The following CSTPP1 variants were observed in gnomAD, a reference collection of about 807,000 sequenced individuals.
CSTPP1 encodes centriolar satellite-associated tubulin polyglutamylase complex regulator 1.
chr11:46,991,197 T>G, the CSTPP1 span, among the ~76,000 whole-genome samples: 1 of 11,362 alleles, frequency 8.8e-5, no homozygotes, highest in East Asian at 4.6e-4. Context: ...TTGAACATAG[T>G]TTTTTTTTTT....
the CSTPP1 span, among the ~76,000 whole-genome samples, chr11:46,977,090 A>T: frequency 6.6e-6 from 1 of 152,228 alleles, no homozygotes; most frequent in Non-Finnish European, 1.5e-5. Context: ...CAGATTTGCA[A>T]GCGGAGTGTG....
chr11:47,083,515 C>A, the CSTPP1 span, among the ~76,000 whole-genome samples: 1 of 152,144 alleles, frequency 6.6e-6, no homozygotes, highest in African/African-American at 2.4e-5. Context: ...GAAAGAACAG[C>A]CAAACTGTTT....
the CSTPP1 span, chr11:47,157,332 C>T: frequency 8.3e-6 from 10 of 1,205,348 alleles, no homozygotes; most frequent in Non-Finnish European, 1.0e-5. Context: ...AGGGCCCTTG[C>T]TGGTCATAAT....
At chr11:47,044,435 C>T in the CSTPP1 span, among the ~76,000 whole-genome samples, 4 of 152,036 alleles carry the variant, frequency 2.6e-5, no homozygotes, top group Admixed American at 2.0e-4. Flanking sequence ...GGAGCGCAGT[C>T]ACGTGAATCT....
the CSTPP1 span, among the ~76,000 whole-genome samples, chr11:47,127,582 G>A: frequency 6.6e-6 from 1 of 152,108 alleles, no homozygotes; most frequent in Non-Finnish European, 1.5e-5. Flanking sequence ...TCCCACCTGT[G>A]TCTGTGTGCC....
chr11:47,094,316 G>A, the CSTPP1 span, among the ~76,000 whole-genome samples: 1 of 152,196 alleles, frequency 6.6e-6, no homozygotes, highest in Non-Finnish European at 1.5e-5. Context: ...GATTGGGGAA[G>A]GGAGAAACTG....
At chr11:47,077,333 G>C in the CSTPP1 span, among the ~76,000 whole-genome samples, 3,778 of 151,942 alleles carry the variant, frequency 0.025, 68 homozygotes, top group Non-Finnish European at 0.037. Flanking sequence ...CCAAGCAGCT[G>C]AGATTAGAGG....
chr11:47,161,145 G>A, the CSTPP1 span: 4 of 1,614,206 alleles, frequency 2.5e-6, no homozygotes, highest in Non-Finnish European at 3.4e-6. Context: ...CCTGACAAGG[G>A]GGATCTGATG....
chr11:46,986,020 A>G, the CSTPP1 span, among the ~76,000 whole-genome samples: 2 of 152,200 alleles, frequency 1.3e-5, no homozygotes, highest in African/African-American at 4.8e-5. Flanking sequence ...ATGTAAGGTC[A>G]CTAAATCTGG....
the CSTPP1 span, among the ~76,000 whole-genome samples, chr11:47,163,404 G>T: frequency 6.6e-6 from 1 of 152,080 alleles, no homozygotes; most frequent in East Asian, 1.9e-4. Context: ...CCTACACTCT[G>T]CAAATCCCTG....
the CSTPP1 span, among the ~76,000 whole-genome samples, chr11:47,135,892 A>C: frequency 6.6e-6 from 1 of 152,198 alleles, no homozygotes; most frequent in Non-Finnish European, 1.5e-5. Flanking sequence ...GAGTTAGAAT[A>C]ATATCAAAAA....
chr11:47,086,234 C>CAAAA, the CSTPP1 span, among the ~76,000 whole-genome samples: 40,855 of 89,106 alleles, frequency 0.46, 13,706 homozygotes, highest in South Asian at 0.58. Context: ...ACTAAAAATC[C>CAAAA]AAAAAAAAAA....
the CSTPP1 span, chr11:47,159,814 G>A: frequency 2.4e-6 from 1 of 415,106 alleles, no homozygotes; most frequent in South Asian, 1.7e-5. Flanking sequence ...AGACCAGCCT[G>A]GCCAACATGG....
chr11:47,155,392 G>A, the CSTPP1 span: 8 of 833,000 alleles, frequency 9.6e-6, no homozygotes, highest in East Asian at 1.5e-4. Context: ...GTGCTTCACT[G>A]CGGGTCGCTA....
chr11:47,054,037 C>G, the CSTPP1 span, among the ~76,000 whole-genome samples: 1 of 150,924 alleles, frequency 6.6e-6, no homozygotes, highest in Non-Finnish European at 1.5e-5. Flanking sequence ...CAGCCGGGCA[C>G]GGTGACTCAT....
the CSTPP1 span, among the ~76,000 whole-genome samples, chr11:47,038,555 G>A: frequency 3.9e-5 from 4 of 102,176 alleles, no homozygotes; most frequent in African/African-American, 5.8e-5. Context: ...CTCACCTCCC[G>A]GACGGGGCGG....
At chr11:47,121,801 A>G in the CSTPP1 span, among the ~76,000 whole-genome samples, 2 of 151,998 alleles carry the variant, frequency 1.3e-5, no homozygotes, top group South Asian at 2.1e-4. Context: ...GATTAGAAAA[A>G]TGGCCCAGCA....
At chr11:47,161,247 G>C in the CSTPP1 span, 3 of 1,613,444 alleles carry the variant, frequency 1.9e-6, no homozygotes, top group Non-Finnish European at 2.5e-6. Flanking sequence ...GGTCGGACAC[G>C]GCTGTGCCCC....
chr11:47,112,229 C>A, the CSTPP1 span, among the ~76,000 whole-genome samples: 5 of 152,206 alleles, frequency 3.3e-5, no homozygotes, highest in African/African-American at 1.2e-4. Flanking sequence ...TATTCCCTAT[C>A]TCTGACTTGC....
Sources: gnomAD v4.1 joint callset for allele counts (sites outside exome capture counted in the v4.1 genomes callset) on GRCh38, gnomAD v4.1.1 for gene constraint, MANE v1.5 for transcripts, NCBI Gene and HGNC (gene_info 2026-07-23, HGNC 2026-07-21) for gene names.